CLCN6: variants seen among roughly 807,000 people sequenced by gnomAD.
CLCN6 encodes the protein Cl-/H+ antiporter 6, also known as H(+)/Cl(-) exchange transporter 6.
Under a neutral mutation model 109.8 loss-of-function variants are expected in CLCN6, and 70 were observed. The ratio of observed to expected loss-of-function variants is 0.64; its 90% CI spans 0.53 to 0.78. The LOEUF is 0.78. Among genes scored for constraint, CLCN6 ranks in the 30% least tolerant of loss-of-function variants. The pLI is 0.00. For synonymous variants in CLCN6, 444 were observed against 447.8 expected (o/e 0.99, Z 0.11); for missense variants, 984 against 1,142.3 (o/e 0.86, Z 2.00).
intron 17 of CLCN6, among the ~76,000 whole-genome samples, chr1:11,835,727 G>A (rs1644935613): frequency 1.3e-5 from 2 of 152,214 alleles, no homozygotes; most frequent in Non-Finnish European, 1.5e-5. Context: ...GTTGAGCTGA[G>A]GGATGAGCCC....
intron 2 of CLCN6, among the ~76,000 whole-genome samples, chr1:11,811,496 C>T (rs1211482863): frequency 1.3e-5 from 2 of 151,940 alleles, no homozygotes; most frequent in Non-Finnish European, 2.9e-5. Context: ...GATTCTCCTG[C>T]CTCAGCCTCC....
chr1:11,806,308 T>C lies in CLCN6; in HGVS notation c.46T>C (p.Cys16Arg), dbSNP rs1644507624. 3 of 1,512,600 alleles carry C rather than the reference T, an allele frequency of 2.0e-6. No homozygotes were observed. Among genetic ancestry groups the C allele is most frequent in the East Asian group, 5.4e-5 (2 of 36,988 alleles). 93.7% of individuals were successfully genotyped at this position (1,512,600 alleles called of 1,614,324 possible). A position where few individuals can be genotyped will look rare whatever the true frequency, so the allele number is the denominator to read the frequency against. ...GSLCCCCRWC[C>R]CCGERETRTP... The stretch of plus-strand genomic sequence containing the variant: ...TCTGTGCTGCTGCTGCAGGTGGTGC[T>C]GCTGCTGCGGTGAGCGTGAGACCCG... The change falls in exon 1 of 23, where the codon TGC (cysteine) becomes CGC (arginine). Residue 16 changes from cysteine (C) to arginine (R), a missense_variant. Coordinates refer to ENST00000346436, the MANE Select transcript of CLCN6 (RefSeq NM_001286.5).
chr1:11,835,151 C>T (rs1644928646), intron 17 of CLCN6, among the ~76,000 whole-genome samples: 1 of 152,234 alleles, frequency 6.6e-6, no homozygotes, highest in Non-Finnish European at 1.5e-5. Flanking sequence ...TGGTCTCTGT[C>T]ACGACTACTC....
intron 9 of CLCN6, among the ~76,000 whole-genome samples, 166 bp from the exon 10 acceptor site, chr1:11,826,923 G>C (rs1007597229): frequency 1.3e-5 from 2 of 150,560 alleles, no homozygotes; most frequent in Non-Finnish European, 3.0e-5. Context: ...TGGCTCTCGG[G>C]TGGACACACT....
rs1645006412 is a variant in CLCN6, at chr1:11,840,531, G to T, written c.*308G>T. 1 of 476,692 alleles carries T rather than the reference G, an allele frequency of 2.1e-6. No individual in the cohort carries two copies. Among genetic ancestry groups the T allele is most frequent in the East Asian group, 3.9e-5 (1 of 25,696 alleles). The allele number at this position is 476,692 out of a possible 1,614,324, so 29.5% of individuals were successfully genotyped here. ...AGAGCCAGAAGCAGAGGTAGAATCA[G>T]GCGGGCCCCGGGCTGCACTCCGAGC... On this transcript the variant is annotated 3_prime_UTR_variant, in exon 23 of 23. Transcript: ENST00000346436.
At chr1:11,822,875 A>ATTCTGGAAGGAGGTG in intron 6 of CLCN6, 74 bp downstream of exon 6, 1 of 938,270 alleles carries the variant, frequency 1.1e-6, no homozygotes, top group Non-Finnish European at 1.7e-6. Context: ...ACCTCCTTCC[A>ATTCTGGAAGGAGGTG]GAATGTCAGG....
intron 2 of CLCN6, among the ~76,000 whole-genome samples, chr1:11,815,329 C>G (rs1644656126): frequency 6.6e-6 from 1 of 152,194 alleles, no homozygotes; most frequent in Non-Finnish European, 1.5e-5. Flanking sequence ...CAACACCACT[C>G]AAATTTTAAT....
Position 11,838,556 on chromosome 1 carries a change from C to A in CLCN6, c.2425C>A (p.Pro809Thr), listed in dbSNP as rs749293199. Residue 809 changes from proline (P) to threonine (T), a missense_variant, in exon 22 of 23, where the codon CCT (proline) becomes ACT (threonine). Coordinates refer to ENST00000346436, the MANE Select transcript of CLCN6 (RefSeq NM_001286.5). ...MIVDVTPYMN[P>T]SPFTVSPNTH... ...GCAGGATGTCACCCCATACATGAAC[C>A]CTTCGCCTTTCACCGTCTCGCCCAA... The A allele has an allele frequency of 1.2e-6, 2 of 1,611,300 alleles. No homozygotes were observed. The highest frequency in any genetic ancestry group is 1.7e-5 in the Admixed American group (1 of 59,962).
chr1:11,839,044 G>C, intron 22 of CLCN6: 1 of 611,456 alleles, frequency 1.6e-6, no homozygotes, highest in East Asian at 2.8e-5. Context: ...AAAACACCTA[G>C]TAATTATTGC....
chr1:11,818,308 A>C (rs1464061167), intron 4 of CLCN6, among the ~76,000 whole-genome samples: 1 of 152,164 alleles, frequency 6.6e-6, no homozygotes, highest in East Asian at 1.9e-4. Context: ...ATGCTCCAAA[A>C]TCCAAAACTT....
At chr1:11,833,232 A>G (rs72640262) in intron 13 of CLCN6, among the ~76,000 whole-genome samples, 15,461 of 152,062 alleles carry the variant, frequency 0.1, 827 homozygotes, top group South Asian at 0.16. Context: ...TAGCACCGGG[A>G]GAGGAAGCAG....
chr1:11,835,363 C>T (rs559088806), intron 17 of CLCN6, among the ~76,000 whole-genome samples: 22 of 152,302 alleles, frequency 1.4e-4, no homozygotes, highest in African/African-American at 5.3e-4. Flanking sequence ...ACCTATGCCT[C>T]CCAGGCTCAA....
chr1:11,811,267 G>A (rs1169120177), intron 2 of CLCN6, among the ~76,000 whole-genome samples: 1 of 152,096 alleles, frequency 6.6e-6, no homozygotes, highest in Non-Finnish European at 1.5e-5. Context: ...GCCCTTCTTA[G>A]CAGTTTTATT....
intron 20 of CLCN6, among the ~76,000 whole-genome samples, chr1:11,837,737 G>T (rs976852569): frequency 2.0e-5 from 3 of 152,158 alleles, no homozygotes; most frequent in Non-Finnish European, 4.4e-5. Flanking sequence ...AGCGCTCCCT[G>T]GCTCTGGTGC....
intron 2 of CLCN6, among the ~76,000 whole-genome samples, chr1:11,814,851 T>C (rs1027984673): frequency 5.3e-5 from 8 of 151,738 alleles, no homozygotes; most frequent in African/African-American, 1.9e-4. Flanking sequence ...GCTAACACGG[T>C]GAAATCCCGT....
intron 9 of CLCN6, among the ~76,000 whole-genome samples, chr1:11,826,589 A>G (rs7534924): frequency 2.0e-5 from 3 of 152,132 alleles, no homozygotes; most frequent in Admixed American, 6.5e-5. Context: ...TTAGCCCTGT[A>G]TCAGATGTGT....
chr1:11,824,924 C>T (rs1290470759), intron 8 of CLCN6, among the ~76,000 whole-genome samples: 3 of 152,156 alleles, frequency 2.0e-5, no homozygotes, highest in African/African-American at 4.8e-5. Context: ...GGCACAGTTC[C>T]GTGCTGATTC....
intron 2 of CLCN6, among the ~76,000 whole-genome samples, chr1:11,809,704 C>T (rs1644572798): frequency 6.6e-6 from 1 of 152,180 alleles, no homozygotes; most frequent in Non-Finnish European, 1.5e-5. Context: ...GTGATCCACC[C>T]ACCTCAGCCT....
chr1:11,815,261 G>C (rs888067708), intron 2 of CLCN6, among the ~76,000 whole-genome samples: 14 of 152,168 alleles, frequency 9.2e-5, no homozygotes, highest in Non-Finnish European at 1.8e-4. Context: ...GCCAAAACAG[G>C]AAGTTTAAAA....
Sources: allele counts gnomAD v4.1 joint callset (sites outside exome capture counted in the v4.1 genomes callset), GRCh38; gene constraint gnomAD v4.1.1; transcripts MANE v1.5; gene names NCBI Gene and HGNC (gene_info 2026-07-23, HGNC 2026-07-21).